The following KLHL2 variants were observed in gnomAD, a reference collection of about 807,000 sequenced individuals.
KLHL2 encodes kelch like family member 2.
In KLHL2, 15 loss-of-function variants were observed where a neutral mutation model predicts 75.8. The ratio of observed to expected loss-of-function variants is 0.20; its 90% CI spans 0.13 to 0.30. KLHL2 has a LOEUF of 0.30. Among genes scored for constraint, KLHL2 ranks in the 10% least tolerant of loss-of-function variants. KLHL2 has a pLI of 1.00. For missense variants in KLHL2, 381 were observed against 741.0 expected, an observed-to-expected ratio of 0.51 and a Z score of 5.64; for synonymous variants, 214 against 251.9, an observed-to-expected ratio of 0.85 and a Z score of 1.42.
chr4:165,253,130 G>A (rs9761388), intron 4 of KLHL2, among the ~76,000 whole-genome samples: 3 of 152,120 alleles, frequency 2.0e-5, no homozygotes, highest in Admixed American at 2.0e-4. Context: ...CTCCTCCTGG[G>A]TTCAGGCGAT....
intron 7 of KLHL2, 79 bp downstream of exon 7, chr4:165,297,804 G>C (rs2126507966): frequency 1.1e-6 from 1 of 878,604 alleles, no homozygotes; most frequent in East Asian, 2.4e-5. Context: ...CTATCAAGCA[G>C]TGATAAGAGC....
rs75575884 is a variant in KLHL2, at chr4:165,322,339, T to C, written c.*279T>C. 0.022 allele frequency: 8,125 copies of C among 366,758 alleles called. 137 individuals are homozygous for C. Among genetic ancestry groups the C allele is most frequent in the Non-Finnish European group, 0.029 (5,973 of 202,802 alleles). 22.7% of individuals were successfully genotyped at this position (366,758 alleles called of 1,614,324 possible). A position where few individuals can be genotyped will look rare whatever the true frequency, so the allele number is the denominator to read the frequency against. On this transcript the variant is annotated 3_prime_UTR_variant, in exon 15 of 15. Coordinates refer to ENST00000226725, the MANE Select transcript of KLHL2 (RefSeq NM_007246.4). ...AGTCTTTAGACAACAGTTGCTTTCA[T>C]AAAGACTAGTTCTTATCAACCTTGA... is the stretch of plus-strand genomic sequence containing the variant.
chr4:165,321,657 A>G (rs1037095743), intron 14 of KLHL2, among the ~76,000 whole-genome samples: 2 of 152,196 alleles, frequency 1.3e-5, no homozygotes, highest in African/African-American at 4.8e-5. Flanking sequence ...TGTATATTTA[A>G]ACTATATAAT....
At chr4:165,213,054 A>G in intron 1 of KLHL2, among the ~76,000 whole-genome samples, 1 of 152,244 alleles carries the variant, frequency 6.6e-6, no homozygotes, top group East Asian at 1.9e-4. Flanking sequence ...ATTCAATGGG[A>G]TAACCATTCT....
Position 165,266,914 on chromosome 4 carries a change from A to G in KLHL2, c.544+3555A>G, listed in dbSNP as rs569216122. Among the ~76,000 whole-genome samples the G allele has an allele frequency of 5.6e-3, 858 of 152,088 alleles. 8 individuals are homozygous for G. The highest frequency in any genetic ancestry group is 0.02 in the African/African-American group (827 of 41,522). ...GAATCTATAAATTACCTTGGGCAGT[A>G]TGGCCATTTTCAAGATATTGATTCT... is the stretch of plus-strand genomic sequence containing the variant. On this transcript the variant is annotated intron_variant, in intron 5 of 14. Transcript: ENST00000226725.
intron 13 of KLHL2, 36 bp downstream of exon 13, chr4:165,314,202 AATTTT>A (rs745960412): frequency 5.1e-6 from 8 of 1,574,158 alleles, no homozygotes; most frequent in African/African-American, 1.4e-5. Context: ...ACTTATGTTG[AATTTT>A]ATTTTAAGTT....
intron 4 of KLHL2, among the ~76,000 whole-genome samples, chr4:165,253,440 G>GA (rs958310209): frequency 6.6e-6 from 1 of 152,052 alleles, no homozygotes; most frequent in Non-Finnish European, 1.5e-5. Context: ...ATAATGACAG[G>GA]AAAAAAAGTT....
rs150036186 is a variant in KLHL2 at position 165,285,238 on chromosome 4, C to G, written c.545-9121C>G. On this transcript the variant is annotated intron_variant, in intron 5 of 14. Transcript: ENST00000226725. ...CAGGTGACCTTTCAGATCTCTTATA[C>G]CATTAAATCTTATGATTTTTATGGC... 9.3e-3 allele frequency among the ~76,000 whole-genome samples: 1,413 copies of G among 152,114 alleles called. 19 individuals carry two copies. The highest frequency in any genetic ancestry group is 0.03 in the African/African-American group (1,260 of 41,476).
At chr4:165,277,780 C>A in intron 5 of KLHL2, 1 of 586,740 alleles carries the variant, frequency 1.7e-6, no homozygotes, top group Admixed American at 2.7e-5. Context: ...CACACACACA[C>A]ACACACCAAA....
chr4:165,241,494 A>G (rs1198541724), intron 4 of KLHL2, among the ~76,000 whole-genome samples: 1 of 151,876 alleles, frequency 6.6e-6, no homozygotes, highest in Non-Finnish European at 1.5e-5. Flanking sequence ...AGGTGCTGAC[A>G]GTGGGAACAG....
chr4:165,275,558 C>T (rs533727971), intron 5 of KLHL2, among the ~76,000 whole-genome samples: 8 of 152,310 alleles, frequency 5.3e-5, no homozygotes, highest in Non-Finnish European at 8.8e-5. Context: ...TGAGAAACTA[C>T]TTAGTACTAG....
At chr4:165,224,586 C>T (rs1305926218) in intron 2 of KLHL2, among the ~76,000 whole-genome samples, 1 of 152,152 alleles carries the variant, frequency 6.6e-6, no homozygotes, top group Admixed American at 6.5e-5. Flanking sequence ...TATATCACTA[C>T]TAGGATTAGA....
intron 9 of KLHL2, among the ~76,000 whole-genome samples, chr4:165,307,223 G>A (rs1414447150): frequency 4.6e-5 from 7 of 152,140 alleles, no homozygotes; most frequent in Non-Finnish European, 2.9e-5. Flanking sequence ...CAGGAGAATC[G>A]CTTGAACCTG....
intron 1 of KLHL2, among the ~76,000 whole-genome samples, chr4:165,219,155 T>G (rs1229424095): frequency 1.3e-5 from 2 of 152,230 alleles, no homozygotes; most frequent in Non-Finnish European, 2.9e-5. Context: ...TATAGCCTTG[T>G]GTGCTTAAAA....
intron 3 of KLHL2, among the ~76,000 whole-genome samples, chr4:165,233,772 AT>A (rs1197653218): frequency 6.6e-6 from 1 of 152,222 alleles, no homozygotes; most frequent in Non-Finnish European, 1.5e-5. Context: ...AATTTCTGAT[AT>A]TGATGATGGC....
At chr4:165,305,854 C>T in intron 9 of KLHL2, 129 bp downstream of exon 9, 1 of 664,410 alleles carries the variant, frequency 1.5e-6, no homozygotes, top group Admixed American at 2.4e-5. Flanking sequence ...TGTAGTTAAA[C>T]AGTAATTCAG....
At chr4:165,240,953 CAG>C (rs1199880429) in intron 4 of KLHL2, among the ~76,000 whole-genome samples, 1 of 152,130 alleles carries the variant, frequency 6.6e-6, no homozygotes, top group Non-Finnish European at 1.5e-5. Flanking sequence ...TATCATGTTC[CAG>C]TCCTGAAATA....
chr4:165,238,289 G>T (rs2111098055), intron 3 of KLHL2, among the ~76,000 whole-genome samples: 1 of 152,294 alleles, frequency 6.6e-6, no homozygotes, highest in South Asian at 2.1e-4. Context: ...TCTCACTGAG[G>T]GTGGAGCCTC....
rs778068871 is a variant in KLHL2 at position 165,305,670 on chromosome 4, T to C, written c.984T>C (p.Phe328=). 1.9e-6 allele frequency: 3 copies of C among 1,614,162 alleles called. No individual in the cohort carries two copies. The Admixed American group carries it at 5.0e-5, about 27-fold the overall frequency. ...TCCGGAGTGTGGAATGCTATGACTT[T>C]AAAGAAGAAAGGTGGCACCAAGTAG... The part of the protein sequence containing the change: ...KAIRSVECYD[F]KEERWHQVAE... Residue 328 remains phenylalanine (F), a synonymous_variant, in exon 9 of 15, where the codon TTT becomes TTC. Transcript: ENST00000226725.
Sources: allele counts gnomAD v4.1 joint callset (sites outside exome capture counted in the v4.1 genomes callset), GRCh38; gene constraint gnomAD v4.1.1; transcripts MANE v1.5; gene names NCBI Gene and HGNC (gene_info 2026-07-23, HGNC 2026-07-21).